EEPD1: variants seen among roughly 807,000 people sequenced by gnomAD.
EEPD1 encodes endonuclease/exonuclease/phosphatase family domain-containing protein 1.
EEPD1 carries 17 observed loss-of-function variants against 46.3 expected under a neutral mutation model. That is an observed-to-expected ratio of 0.37 (90% CI 0.25 to 0.55). EEPD1 has a LOEUF of 0.55. EEPD1 is among the 20% of genes least tolerant of loss of function. The probability of loss-of-function intolerance (pLI) is 0.83; values close to 1 mark genes in which losing one functional copy is unlikely to be tolerated. For missense variants in EEPD1, 673 were observed against 745.6 expected (o/e 0.90, Z 1.13); for synonymous variants, 313 against 315.6 (o/e 0.99, Z 0.09).
chr7:36,179,580 G>T (rs1038145109), intron 2 of EEPD1, among the ~76,000 whole-genome samples: 53 of 151,300 alleles, frequency 3.5e-4, no homozygotes, highest in Middle Eastern at 3.4e-3. Flanking sequence ...AAAAAAAGAG[G>T]CCAGGTGTGG....
At chr7:36,184,648 C>T (rs1785332134) in intron 2 of EEPD1, among the ~76,000 whole-genome samples, 1 of 152,134 alleles carries the variant, frequency 6.6e-6, no homozygotes. Context: ...GACTGTTGAT[C>T]CCCTTTTAAG....
intron 3 of EEPD1, among the ~76,000 whole-genome samples, chr7:36,274,345 G>A (rs2115856963): frequency 6.6e-6 from 1 of 152,360 alleles, no homozygotes; most frequent in Non-Finnish European, 1.5e-5. Context: ...TTGGCACTCA[G>A]TAGACCTCAG....
chr7:36,294,155 TCTC>T (rs1399446213), intron 6 of EEPD1, among the ~76,000 whole-genome samples: 1 of 152,154 alleles, frequency 6.6e-6, no homozygotes, highest in Non-Finnish European at 1.5e-5. Flanking sequence ...AGAACAGCCT[TCTC>T]CTCCTGCCAA....
At chr7:36,269,463 G>A (rs1024044588) in intron 3 of EEPD1, among the ~76,000 whole-genome samples, 2 of 152,142 alleles carry the variant, frequency 1.3e-5, no homozygotes, top group Non-Finnish European at 2.9e-5. Context: ...AGTCTAGCCT[G>A]GGCAACATAG....
intron 2 of EEPD1, among the ~76,000 whole-genome samples, chr7:36,207,895 T>TG (rs1785850679): frequency 6.6e-6 from 1 of 150,848 alleles, no homozygotes; most frequent in African/African-American, 2.4e-5. Flanking sequence ...GGAGTTTTTT[T>TG]TTTTTTTTTT....
chr7:36,231,691 A>G (rs1416749026), intron 2 of EEPD1, among the ~76,000 whole-genome samples: 1 of 152,184 alleles, frequency 6.6e-6, no homozygotes, highest in Non-Finnish European at 1.5e-5. Flanking sequence ...GGAGGTATTC[A>G]GTATAAGTTT....
chr7:36,207,042 C>G (rs1709052638), intron 2 of EEPD1, among the ~76,000 whole-genome samples: 3 of 152,090 alleles, frequency 2.0e-5, no homozygotes, highest in South Asian at 4.1e-4. Context: ...GAGTGAGACT[C>G]TGTCTCAAAA....
chr7:36,243,604 C>T (rs1375809539), intron 3 of EEPD1, among the ~76,000 whole-genome samples: 3 of 152,168 alleles, frequency 2.0e-5, no homozygotes, highest in Admixed American at 6.5e-5. Flanking sequence ...ACAGTCCCAA[C>T]AGTGGGGACC....
At chr7:36,250,818 G>A (rs773023653) in intron 3 of EEPD1, among the ~76,000 whole-genome samples, 1 of 152,182 alleles carries the variant, frequency 6.6e-6, no homozygotes, top group Non-Finnish European at 1.5e-5. Context: ...TCCCAGCACT[G>A]TTGAAGCTTC....
chr7:36,297,247 T>C (rs1248940327), intron 7 of EEPD1, 60 bp downstream of exon 7: 5 of 1,572,286 alleles, frequency 3.2e-6, no homozygotes, highest in Non-Finnish European at 3.5e-6. Context: ...GAAACATGTC[T>C]GAACTGACAG....
chr7:36,207,003 C>G (rs910692465), intron 2 of EEPD1, among the ~76,000 whole-genome samples: 1 of 152,082 alleles, frequency 6.6e-6, no homozygotes, highest in Non-Finnish European at 1.5e-5. Context: ...GAGCTGAGAT[C>G]GTGCCACTGT....
chr7:36,253,385 T>C (rs1786779068), intron 3 of EEPD1, among the ~76,000 whole-genome samples: 1 of 152,212 alleles, frequency 6.6e-6, no homozygotes, highest in South Asian at 2.1e-4. Context: ...CCAAAGAATG[T>C]TCCATGTGCA....
intron 2 of EEPD1, among the ~76,000 whole-genome samples, chr7:36,232,660 G>A (rs899626056): frequency 6.7e-6 from 1 of 149,924 alleles, no homozygotes; most frequent in Non-Finnish European, 1.5e-5. Context: ...GTGGCTCACT[G>A]GAGTGTTGAG....
At chr7:36,169,885 G>C (rs758826478) in intron 2 of EEPD1, among the ~76,000 whole-genome samples, 1 of 152,188 alleles carries the variant, frequency 6.6e-6, no homozygotes, top group Non-Finnish European at 1.5e-5. Context: ...ATGCATTTTT[G>C]ATGGAAGTTT....
intron 2 of EEPD1, among the ~76,000 whole-genome samples, chr7:36,236,137 A>G (rs889414363): frequency 2.6e-5 from 4 of 152,152 alleles, no homozygotes; most frequent in African/African-American, 9.7e-5. Flanking sequence ...AGAGGTGACA[A>G]CATGCTAGCA....
chr7:36,227,768 A>G (rs542839330), intron 2 of EEPD1, among the ~76,000 whole-genome samples: 17 of 152,218 alleles, frequency 1.1e-4, no homozygotes, highest in African/African-American at 3.6e-4. Flanking sequence ...GCTCACTGCA[A>G]GCTTCGCCTC....
chr7:36,181,207 C>T (rs527357464), intron 2 of EEPD1, among the ~76,000 whole-genome samples: 178 of 152,262 alleles, frequency 1.2e-3, no homozygotes, highest in African/African-American at 4.2e-3. Flanking sequence ...TCTCATGACT[C>T]TGTCCCATGC....
At chr7:36,217,589 T>A (rs1562690579) in intron 2 of EEPD1, among the ~76,000 whole-genome samples, 1 of 152,234 alleles carries the variant, frequency 6.6e-6, no homozygotes, top group Non-Finnish European at 1.5e-5. Context: ...CAGCCTTATT[T>A]TACCCAGCCC....
chr7:36,188,482 C>G (rs895496603), intron 2 of EEPD1, among the ~76,000 whole-genome samples: 1 of 152,154 alleles, frequency 6.6e-6, no homozygotes, highest in Non-Finnish European at 1.5e-5. Context: ...GTGAAACATT[C>G]TGTCAGGAGG....
Sources: allele counts gnomAD v4.1 joint callset (sites outside exome capture counted in the v4.1 genomes callset), GRCh38; gene constraint gnomAD v4.1.1; transcripts MANE v1.5; gene names NCBI Gene and HGNC (gene_info 2026-07-23, HGNC 2026-07-21).